PPP2R5E: variants seen among roughly 807,000 people sequenced by gnomAD.
PPP2R5E encodes protein phosphatase 2 regulatory subunit B'epsilon.
In PPP2R5E, 4 loss-of-function variants were observed where a neutral mutation model predicts 65.3. The observed-to-expected ratio is 0.06, with a 90% CI of 0.03 to 0.14. PPP2R5E has a LOEUF of 0.14. Among genes scored for constraint, PPP2R5E ranks in the 10% least tolerant of loss-of-function variants. The pLI is 1.00. For missense variants in PPP2R5E, 274 were observed against 556.1 expected, an observed-to-expected ratio of 0.49 and a Z score of 5.10; for synonymous variants, 183 against 187.4, an observed-to-expected ratio of 0.98 and a Z score of 0.19.
At chr14:63,400,540 G>T (rs182759516) in intron 5 of PPP2R5E, among the ~76,000 whole-genome samples, 2 of 152,028 alleles carry the variant, frequency 1.3e-5, no homozygotes, top group Non-Finnish European at 2.9e-5. Flanking sequence ...AAATACATAC[G>T]TACTGAGTTC....
At chr14:63,382,840 A>T (rs1376443978) in intron 12 of PPP2R5E, among the ~76,000 whole-genome samples, 1 of 152,232 alleles carries the variant, frequency 6.6e-6, no homozygotes, top group African/African-American at 2.4e-5. Context: ...TAGACATCTG[A>T]ATTTGCATAG....
chr14:63,427,425 T>C (rs1887399209), intron 3 of PPP2R5E, among the ~76,000 whole-genome samples: 1 of 151,980 alleles, frequency 6.6e-6, no homozygotes, highest in African/African-American at 2.4e-5. Context: ...GTTTAAGAAA[T>C]AAATGCCTCT....
intron 1 of PPP2R5E, 53 bp from the exon 2 acceptor site, chr14:63,539,745 A>G (rs892634757): frequency 1.8e-5 from 27 of 1,501,232 alleles, no homozygotes; most frequent in Non-Finnish European, 2.3e-5. Flanking sequence ...GGAAGCATAC[A>G]TGTGAGTTAT....
At chr14:63,451,227 A>G (rs1389900765) in intron 3 of PPP2R5E, 2 of 152,250 alleles carry the variant, frequency 1.3e-5, no homozygotes, top group African/African-American at 4.8e-5. Context: ...TACCCAAAGG[A>G]GCTGAAATCT....
chr14:63,438,293 T>C (rs1020551184), intron 3 of PPP2R5E, among the ~76,000 whole-genome samples: 1 of 152,248 alleles, frequency 6.6e-6, no homozygotes, highest in East Asian at 1.9e-4. Flanking sequence ...CTCTCTTTCA[T>C]TTCTGTGTCT....
rs1883779758 is a variant in PPP2R5E, at chr14:63,373,145, G to A, written c.*2864C>T. ...GCCTCAGCGTCATTCTAAACCACAG[G>A]GTTGTGTGTATTTTTCTCTTCCAAA... On this transcript the variant is annotated 3_prime_UTR_variant, in exon 14 of 14. Coordinates refer to ENST00000337537, the MANE Select transcript of PPP2R5E (RefSeq NM_006246.5). 1 of 152,008 alleles carries A rather than the reference G, an allele frequency of 6.6e-6. No homozygotes were observed. Among genetic ancestry groups the A allele is most frequent in the African/African-American group, 2.4e-5 (1 of 41,386 alleles). The allele number at this position is 152,008 out of a possible 1,614,324, so 9.4% of individuals were successfully genotyped here.
Position 63,519,745 on chromosome 14 carries a change from T to G in PPP2R5E, c.157+19784A>C, listed in dbSNP as rs550775118. On this transcript the variant is annotated intron_variant, in intron 2 of 13. Transcript: ENST00000337537. ...GGCGCAATCTCGGCTTACTGCAACT[T>G]CCGCTTCCTGGATTCAAGCAATTCT... 3.0e-4 allele frequency among the ~76,000 whole-genome samples: 46 copies of G among 151,478 alleles called. No individual in the cohort carries two copies. The South Asian group carries it at 9.7e-3, about 32-fold the overall frequency.
intron 2 of PPP2R5E, among the ~76,000 whole-genome samples, chr14:63,521,814 T>C (rs1416712183): frequency 6.6e-6 from 1 of 152,204 alleles, no homozygotes; most frequent in African/African-American, 2.4e-5. Context: ...CCAGTCCTTT[T>C]GATTTTTGCT....
intron 2 of PPP2R5E, among the ~76,000 whole-genome samples, chr14:63,519,123 A>T (rs1044101888): frequency 2.0e-5 from 3 of 152,096 alleles, no homozygotes; most frequent in African/African-American, 7.2e-5. Context: ...GTGGGGCAGG[A>T]GAATCGCTTG....
intron 5 of PPP2R5E, among the ~76,000 whole-genome samples, chr14:63,409,163 G>A (rs1196216674): frequency 6.6e-6 from 1 of 152,186 alleles, no homozygotes. Flanking sequence ...AACCCAGGAG[G>A]CGGAGGTTGC....
intron 2 of PPP2R5E, among the ~76,000 whole-genome samples, chr14:63,529,420 G>A (rs989583946): frequency 6.7e-6 from 1 of 148,902 alleles, no homozygotes; most frequent in Non-Finnish European, 1.5e-5. Flanking sequence ...GAGTGCAGTG[G>A]CGCAATCTTG....
At chr14:63,521,771 T>C (rs1483826516) in intron 2 of PPP2R5E, among the ~76,000 whole-genome samples, 1 of 152,228 alleles carries the variant, frequency 6.6e-6, no homozygotes. Context: ...AACTTTCTTC[T>C]ACTTTAAAAA....
In PPP2R5E at chr14:63,539,657, G is replaced by A. The variant is rs758176830; in HGVS notation, c.29C>T (p.Ser10Leu). The change falls in exon 2 of 14, where the codon TCA (serine) becomes TTA (leucine). Residue 10 changes from serine to leucine, a missense_variant. Around this residue, in one of 6 missense-constraint regions of PPP2R5E, gnomAD observed 58 missense variants for 64.8 expected, o/e 0.90. Coordinates refer to ENST00000337537, the MANE Select transcript of PPP2R5E (RefSeq NM_006246.5). Reference sequence around the variant, plus strand: ...AGAAAATCCGTCTACTTTATCCACTGATGGAGGAGTAGTTGGTGCTGAGGA... The same window carrying A: ...AGAAAATCCGTCTACTTTATCCACTAATGGAGGAGTAGTTGGTGCTGAGGA... MSSAPTTPP[S>L]VDKVDGFSRK... The A allele has an allele frequency of 3.1e-6, 5 of 1,613,930 alleles. No homozygotes were observed. In the South Asian group the frequency reaches 5.5e-5, roughly 18 times the overall value.
intron 9 of PPP2R5E, 29 bp from the exon 10 acceptor site, chr14:63,391,896 C>T (rs1161431020): frequency 4.3e-6 from 7 of 1,610,730 alleles, no homozygotes; most frequent in Admixed American, 1.7e-5. Context: ...AAACAAATGG[C>T]ATTTAACTTT....
At chr14:63,410,361 A>C (rs1886328723) in intron 5 of PPP2R5E, among the ~76,000 whole-genome samples, 1 of 152,200 alleles carries the variant, frequency 6.6e-6, no homozygotes, top group Non-Finnish European at 1.5e-5. Context: ...GAGACGATGG[A>C]GTTCAGAAAA....
chr14:63,507,488 A>C (rs542404246), intron 2 of PPP2R5E, among the ~76,000 whole-genome samples: 1 of 152,176 alleles, frequency 6.6e-6, no homozygotes, highest in African/African-American at 2.4e-5. Flanking sequence ...AAAAGAAACA[A>C]ATAGATTATG....
At chr14:63,434,306 C>A (rs1183129480) in intron 3 of PPP2R5E, among the ~76,000 whole-genome samples, 1 of 152,154 alleles carries the variant, frequency 6.6e-6, no homozygotes, top group Non-Finnish European at 1.5e-5. Flanking sequence ...ACTGAGAGAT[C>A]TTCACAAGAG....
intron 3 of PPP2R5E, among the ~76,000 whole-genome samples, chr14:63,436,781 C>G (rs1302609002): frequency 1.3e-5 from 2 of 152,174 alleles, no homozygotes; most frequent in African/African-American, 2.4e-5. Flanking sequence ...TGACCACCAA[C>G]CCTGTAAGCT....
chr14:63,500,830 C>T (rs1018667444), intron 2 of PPP2R5E, among the ~76,000 whole-genome samples: 5 of 151,412 alleles, frequency 3.3e-5, no homozygotes, highest in African/African-American at 1.2e-4. Flanking sequence ...TGCACCACTA[C>T]ACAATCAGCC....
Sources: gnomAD v4.1 joint callset for allele counts (sites outside exome capture counted in the v4.1 genomes callset) on GRCh38, gnomAD v4.1.1 for gene constraint, gnomAD v4.1.1 regional missense constraint, MANE v1.5 for transcripts, NCBI Gene and HGNC (gene_info 2026-07-23, HGNC 2026-07-21) for gene names.